Variants in OR4X2 observed in about 807,000 individuals in gnomAD.
OR4X2 encodes the protein olfactory receptor 4X2.
For synonymous variants in OR4X2, 205 were observed against 136.6 expected (o/e 1.50, Z -3.49); for missense variants, 554 against 359.5 (o/e 1.54, Z -4.38).
Position 48,245,354 on chromosome 11 carries a change from T to C in OR4X2, c.251T>C (p.Ile84Thr). ...ISDLLAERKV[I>T]SWWGCMAQLF... ...GATCTGCTGGCTGAAAGGAAAGTCA[T>C]ATCTTGGTGGGGCTGCATGGCACAG... Residue 84 changes from isoleucine to threonine, a missense_variant, in exon 1 of 1, where the codon ATA becomes ACA. Ile to Thr is a moderately conservative substitution (Grantham distance 89). Transcript: ENST00000624868. 1 of 1,614,152 alleles carries C rather than the reference T, an allele frequency of 6.2e-7. No individual in the cohort carries two copies. The highest frequency in any genetic ancestry group is 8.5e-7 in the Non-Finnish European group (1 of 1,180,018).
chr11:48,245,460 C>T lies in OR4X2; in HGVS notation c.357C>T (p.Cys119=), dbSNP rs761327842. The change falls in exon 1 of 1, where the codon TGC becomes TGT. Residue 119 remains cysteine (C), a synonymous_variant. Transcript: ENST00000624868. Reference sequence around the variant, plus strand: ...CCTATGACCACTATGTGGCCATCTGCAAGCCCCTCAGCTACACCACCATCA... The same window carrying T: ...CCTATGACCACTATGTGGCCATCTGTAAGCCCCTCAGCTACACCACCATCA... ...VMAYDHYVAI[C]KPLSYTTIMN... 1.2e-6 allele frequency: 2 copies of T among 1,614,056 alleles called. No homozygotes were observed. Among genetic ancestry groups the T allele is most frequent in the African/African-American group, 1.3e-5 (1 of 74,916 alleles).
rs769389665 is a variant in OR4X2, at chr11:48,245,778, G to T, written c.675G>T (p.Trp225Cys). The change falls in exon 1 of 1, where the codon TGG (tryptophan) becomes TGT (cysteine). Residue 225 changes from tryptophan to cysteine, a missense_variant. Coordinates refer to ENST00000624868, the MANE Select transcript of OR4X2 (RefSeq NM_001004727.1). Reference protein sequence around the residue: ...LHLRTWSSEGWCKALSTCGSH... With the variant: ...LHLRTWSSEGCCKALSTCGSH... ...TGAGAACCTGGAGCTCTGAAGGGTG[G>T]TGCAAAGCCCTCTCCACCTGTGGGT... 1 of 1,614,060 alleles carries T rather than the reference G, an allele frequency of 6.2e-7. No individual in the cohort carries two copies.
rs777689717 is a variant in OR4X2, at chr11:48,245,528, T to A, written c.425T>A (p.Val142Glu). Reference protein sequence around the residue: ...VCTVLVGIAWVGGFMHSFAQI... With the variant: ...VCTVLVGIAWEGGFMHSFAQI... The stretch of plus-strand genomic sequence containing the variant: ...ACTGTCCTTGTAGGAATAGCATGGG[T>A]GGGAGGCTTCATGCATTCCTTTGCA... Residue 142 changes from valine to glutamate, a missense_variant, in exon 1 of 1, where the codon GTG becomes GAG. Physicochemically the swap from Val to Glu is moderately radical, Grantham distance 121. Coordinates refer to ENST00000624868, the MANE Select transcript of OR4X2 (RefSeq NM_001004727.1). 7 of 1,614,084 alleles carry A rather than the reference T, an allele frequency of 4.3e-6. No homozygotes were observed. Among genetic ancestry groups the A allele is most frequent in the Non-Finnish European group, 5.9e-6 (7 of 1,179,970 alleles).
rs61737299 is a variant in OR4X2 at position 48,245,305 on chromosome 11, G to A, written c.202G>A (p.Ala68Thr). 1.4e-5 allele frequency: 23 copies of A among 1,613,794 alleles called. No individual in the cohort carries two copies. Among genetic ancestry groups the A allele is most frequent in the East Asian group, 6.7e-5 (3 of 44,874 alleles). ...CTTCATGGAGATCTGCTACTCCTCC[G>A]CTACAGCCCCCAAACTCATCTCAGA... ...LSFMEICYSS[A>T]TAPKLISDLL... The change falls in exon 1 of 1, where the codon GCT (alanine) becomes ACT (threonine). Residue 68 changes from alanine to threonine, a missense_variant. Ala to Thr is a moderately conservative substitution (Grantham distance 58, BLOSUM62 0). Coordinates refer to ENST00000624868, the MANE Select transcript of OR4X2 (RefSeq NM_001004727.1).
Position 48,245,806 on chromosome 11 carries a change from C to T in OR4X2, c.703C>T (p.His235Tyr). The change falls in exon 1 of 1, where the codon CAT becomes TAT. Residue 235 changes from histidine to tyrosine, a missense_variant. By Grantham distance (83) the His-to-Tyr change is moderately conservative. Coordinates refer to ENST00000624868, the MANE Select transcript of OR4X2 (RefSeq NM_001004727.1). ...WCKALSTCGSHFAVVILFFGP... is the reference protein window; with the variant it reads ...WCKALSTCGSYFAVVILFFGP... ...CAAAGCCCTCTCCACCTGTGGGTCC[C>T]ATTTCGCTGTGGTTATCTTGTTCTT... 6 of 1,614,094 alleles carry T rather than the reference C, an allele frequency of 3.7e-6. No homozygotes were observed. Among genetic ancestry groups the T allele is most frequent in the Non-Finnish European group, 5.1e-6 (6 of 1,180,020 alleles).
chr11:48,245,191 A>G lies in OR4X2; in HGVS notation c.88A>G (p.Ile30Val), dbSNP rs755322595. The G allele has an allele frequency of 3.1e-6, 5 of 1,613,988 alleles. No individual in the cohort carries two copies. The African/African-American group carries it at 5.3e-5, about 17-fold the overall frequency. Residue 30 changes from isoleucine to valine, a missense_variant, in exon 1 of 1, where the codon ATT becomes GTT. Physicochemically the swap from Ile to Val is conservative, Grantham distance 29 (BLOSUM62 3). Coordinates refer to ENST00000624868, the MANE Select transcript of OR4X2 (RefSeq NM_001004727.1). ...FVIFLFLYTA[I>V]VLGNFLIVLT... ...GATATTTCTGTTCTTGTACACAGCA[A>G]TTGTGCTGGGGAATTTCCTCATTGT...
rs550424506 is a variant in OR4X2, at chr11:48,245,657, T to A, written c.554T>A (p.Phe185Tyr). 5.0e-6 allele frequency: 8 copies of A among 1,614,206 alleles called. No homozygotes were observed. The South Asian group carries it at 7.7e-5, about 16-fold the overall frequency. Reference sequence around the variant, plus strand: ...CTCAAACTTGCCTGCTCTGACACCTTCCTCATTGGTCTGCTGATTGTTGCC... The same window carrying A: ...CTCAAACTTGCCTGCTCTGACACCTACCTCATTGGTCTGCTGATTGTTGCC... Reference protein sequence around the residue: ...PLLKLACSDTFLIGLLIVANG... With the variant: ...PLLKLACSDTYLIGLLIVANG... Residue 185 changes from phenylalanine to tyrosine, a missense_variant, in exon 1 of 1, where the codon TTC (phenylalanine) becomes TAC (tyrosine). Coordinates refer to ENST00000624868, the MANE Select transcript of OR4X2 (RefSeq NM_001004727.1).
At position 48,245,842 on chromosome 11, in the gene OR4X2, G is replaced by A. The variant is rs148278186; in HGVS notation, c.739G>A (p.Val247Ile). The A allele has an allele frequency of 8.2e-5, 132 of 1,614,006 alleles. No homozygotes were observed. The highest frequency in any genetic ancestry group is 3.3e-4 in the Middle Eastern group (2 of 6,062). The change falls in exon 1 of 1, where the codon GTC becomes ATC. Residue 247 changes from valine (V) to isoleucine (I), a missense_variant. By Grantham distance (29) the Val-to-Ile change is conservative (BLOSUM62 3). Transcript: ENST00000624868. ...GGTTATCTTGTTCTTTGGGCCCTGCGTCTTCAACTCTCTGAGGCCTTCTAC... is the reference window on the plus strand; with the variant it reads ...GGTTATCTTGTTCTTTGGGCCCTGCATCTTCAACTCTCTGAGGCCTTCTAC... ...AVVILFFGPC[V>I]FNSLRPSTTL...
Position 48,245,202 on chromosome 11 carries a change from G to T in OR4X2, c.99G>T (p.Gly33=). The T allele has an allele frequency of 2.5e-6, 4 of 1,614,126 alleles. No homozygotes were observed. The highest frequency in any genetic ancestry group is 3.4e-6 in the Non-Finnish European group (4 of 1,180,006). Residue 33 remains glycine (G), a synonymous_variant, in exon 1 of 1, where the codon GGG becomes GGT. Coordinates refer to ENST00000624868, the MANE Select transcript of OR4X2 (RefSeq NM_001004727.1). ...TCTTGTACACAGCAATTGTGCTGGG[G>T]AATTTCCTCATTGTGCTCACTGTCA... is the stretch of plus-strand genomic sequence containing the variant. ...FLFLYTAIVL[G]NFLIVLTVMT...
chr11:48,245,311 G>A lies in OR4X2; in HGVS notation c.208G>A (p.Ala70Thr), dbSNP rs751656474. The A allele has an allele frequency of 8.1e-6, 13 of 1,613,998 alleles. No homozygotes were observed. In the East Asian group the frequency reaches 1.1e-4, roughly 14 times the overall value. The stretch of plus-strand genomic sequence containing the variant: ...GGAGATCTGCTACTCCTCCGCTACA[G>A]CCCCCAAACTCATCTCAGATCTGCT... Reference protein sequence around the residue: ...FMEICYSSATAPKLISDLLAE... With the variant: ...FMEICYSSATTPKLISDLLAE... The change falls in exon 1 of 1, where the codon GCC becomes ACC. Residue 70 changes from alanine to threonine, a missense_variant. Coordinates refer to ENST00000624868, the MANE Select transcript of OR4X2 (RefSeq NM_001004727.1).
rs747380379 is a variant in OR4X2 at position 48,245,388 on chromosome 11, C to T, written c.285C>T (p.Phe95=). ...SWWGCMAQLF[F]LHFFGGTEIF... is the part of the protein sequence containing the mutation. Reference sequence around the variant, plus strand: ...GGGGCTGCATGGCACAGCTTTTCTTCTTGCACTTCTTTGGTGGCACTGAGA... The same window carrying T: ...GGGGCTGCATGGCACAGCTTTTCTTTTTGCACTTCTTTGGTGGCACTGAGA... The change falls in exon 1 of 1, where the codon TTC becomes TTT. Residue 95 remains phenylalanine (F), a synonymous_variant. Transcript: ENST00000624868. 1.0e-4 allele frequency: 168 copies of T among 1,614,068 alleles called. No individual in the cohort carries two copies. Among genetic ancestry groups the T allele is most frequent in the Non-Finnish European group, 1.4e-4 (160 of 1,180,036 alleles).
chr11:48,245,588 GC>G lies in OR4X2; in HGVS notation c.489del (p.Asn164MetfsTer2). On this transcript the variant is annotated frameshift_variant, in exon 1 of 1. Transcript: ENST00000624868. LOFTEE classifies it low-confidence loss of function (END_TRUNC). Reference protein sequence around the residue: ...ILLIFHLLFCGPNVINHYFCD... With the variant: ...ILLIFHLLFCXPNVINHYFCD... ...CTCATCTTCCACCTGCTCTTCTGTG[GC>G]CCCAATGTGATCAATCACTATTTCT... The G allele has an allele frequency of 6.2e-7, 1 of 1,614,074 alleles. No individual in the cohort carries two copies.
chr11:48,245,474 A>G lies in OR4X2; in HGVS notation c.371A>G (p.Tyr124Cys), dbSNP rs1859055811. 2 of 1,614,164 alleles carry G rather than the reference A, an allele frequency of 1.2e-6. No individual in the cohort carries two copies. Among genetic ancestry groups the G allele is most frequent in the Non-Finnish European group, 1.7e-6 (2 of 1,180,032 alleles). Residue 124 changes from tyrosine (Y) to cysteine (C), a missense_variant, in exon 1 of 1, where the codon TAC becomes TGC. Coordinates refer to ENST00000624868, the MANE Select transcript of OR4X2 (RefSeq NM_001004727.1). ...GTGGCCATCTGCAAGCCCCTCAGCT[A>G]CACCACCATCATGAACTGGCAGGTG... ...HYVAICKPLS[Y>C]TTIMNWQVCT... is the part of the protein sequence containing the mutation.
rs1225433193 is a variant in OR4X2 at position 48,245,795 on chromosome 11, C to T, written c.692C>T (p.Thr231Ile). ...GAAGGGTGGTGCAAAGCCCTCTCCACCTGTGGGTCCCATTTCGCTGTGGTT... is the reference window on the plus strand; with the variant it reads ...GAAGGGTGGTGCAAAGCCCTCTCCATCTGTGGGTCCCATTTCGCTGTGGTT... ...SSEGWCKALS[T>I]CGSHFAVVIL... is the part of the protein sequence containing the mutation. Residue 231 changes from threonine to isoleucine, a missense_variant, in exon 1 of 1, where the codon ACC becomes ATC. Thr to Ile is a moderately conservative substitution (Grantham distance 89, BLOSUM62 -1). Coordinates refer to ENST00000624868, the MANE Select transcript of OR4X2 (RefSeq NM_001004727.1). The T allele has an allele frequency of 6.2e-7, 1 of 1,614,098 alleles. No homozygotes were observed. The highest frequency in any genetic ancestry group is 8.5e-7 in the Non-Finnish European group (1 of 1,180,018).
Position 48,245,327 on chromosome 11 carries a change from C to G in OR4X2, c.224C>G (p.Ser75Ter), listed in dbSNP as rs756937127. 12 of 1,614,050 alleles carry G rather than the reference C, an allele frequency of 7.4e-6. No individual in the cohort carries two copies. Among genetic ancestry groups the G allele is most frequent in the African/African-American group, 1.3e-5 (1 of 74,912 alleles). The change falls in exon 1 of 1, where the codon TCA (serine) becomes TGA (stop). Residue 75 changes from serine to a stop codon, truncating the protein, a stop_gained. Transcript: ENST00000624868. LOFTEE classifies it low-confidence loss of function (END_TRUNC). ...YSSATAPKLI[S>*]DLLAERKVIS... Reference sequence around the variant, plus strand: ...TCCGCTACAGCCCCCAAACTCATCTCAGATCTGCTGGCTGAAAGGAAAGTC... The same window carrying G: ...TCCGCTACAGCCCCCAAACTCATCTGAGATCTGCTGGCTGAAAGGAAAGTC...
chr11:48,245,155 G>T lies in OR4X2; in HGVS notation c.52G>T (p.Val18Phe), dbSNP rs769002216. The change falls in exon 1 of 1, where the codon GTT becomes TTT. Residue 18 changes from valine to phenylalanine, a missense_variant. Val to Phe is a conservative substitution (Grantham distance 50). Coordinates refer to ENST00000624868, the MANE Select transcript of OR4X2 (RefSeq NM_001004727.1). Reference protein sequence around the residue: ...VLSPNQEVQRVCFVIFLFLYT... With the variant: ...VLSPNQEVQRFCFVIFLFLYT... ...TTCTCCCAACCAGGAGGTGCAGAGG[G>T]TTTGCTTTGTGATATTTCTGTTCTT... is the stretch of plus-strand genomic sequence containing the variant. The T allele has an allele frequency of 6.1e-5, 99 of 1,613,990 alleles. No individual in the cohort carries two copies. Among genetic ancestry groups the T allele is most frequent in the Non-Finnish European group, 8.1e-5 (96 of 1,180,002 alleles).
rs757755618 is a variant in OR4X2 at position 48,245,694 on chromosome 11, C to A, written c.591C>A (p.Thr197=). The change falls in exon 1 of 1, where the codon ACC becomes ACA. Residue 197 remains threonine (T), a synonymous_variant. Coordinates refer to ENST00000624868, the MANE Select transcript of OR4X2 (RefSeq NM_001004727.1). ...IGLLIVANGG[T]LSVISFGVLL... ...TGCTGATTGTTGCCAATGGAGGCAC[C>A]CTGTCTGTGATCAGTTTTGGGGTCC... is the stretch of plus-strand genomic sequence containing the variant. The A allele has an allele frequency of 1.9e-6, 3 of 1,614,106 alleles. No individual in the cohort carries two copies. Among genetic ancestry groups the A allele is most frequent in the South Asian group, 2.2e-5 (2 of 91,068 alleles).
rs375641610 is a variant in OR4X2 at position 48,245,663 on chromosome 11, T to C, written c.560T>C (p.Ile187Thr). ...LKLACSDTFL[I>T]GLLIVANGGT... ...CTTGCCTGCTCTGACACCTTCCTCA[T>C]TGGTCTGCTGATTGTTGCCAATGGA... The change falls in exon 1 of 1, where the codon ATT becomes ACT. Residue 187 changes from isoleucine to threonine, a missense_variant. Transcript: ENST00000624868. 1.6e-5 allele frequency: 26 copies of C among 1,614,064 alleles called. No individual in the cohort carries two copies. Among genetic ancestry groups the C allele is most frequent in the South Asian group, 2.2e-5 (2 of 91,072 alleles).
At position 48,245,426 on chromosome 11, in the gene OR4X2, C is replaced by A; in HGVS notation, c.323C>A (p.Thr108Asn). ...FFGGTEIFLL[T>N]VMAYDHYVAI... ...GGTGGCACTGAGATTTTCCTGCTCA[C>A]TGTGATGGCCTATGACCACTATGTG... Residue 108 changes from threonine to asparagine, a missense_variant, in exon 1 of 1, where the codon ACT becomes AAT. By Grantham distance (65) the Thr-to-Asn change is moderately conservative. Coordinates refer to ENST00000624868, the MANE Select transcript of OR4X2 (RefSeq NM_001004727.1). 1 of 1,614,176 alleles carries A rather than the reference C, an allele frequency of 6.2e-7. No homozygotes were observed. Among genetic ancestry groups the A allele is most frequent in the Non-Finnish European group, 8.5e-7 (1 of 1,180,034 alleles).
Sources: gnomAD v4.1 joint callset for allele counts on GRCh38, gnomAD v4.1.1 for gene constraint, MANE v1.5 for transcripts, NCBI Gene and HGNC (gene_info 2026-07-23, HGNC 2026-07-21) for gene names.